NYAP2: variants seen among roughly 807,000 people sequenced by gnomAD.
The protein encoded by NYAP2 is neuronal tyrosine-phosphorylated phosphoinositide-3-kinase adaptor 2, also known as neuronal tyrosine-phosphorylated phosphoinositide-3-kinase adapter 2.
A neutral mutation model predicts 50.4 loss-of-function variants in NYAP2; 23 were observed. That is an observed-to-expected ratio of 0.46 (90% CI 0.33 to 0.65). The LOEUF (loss-of-function observed/expected upper bound fraction) is 0.65. NYAP2 is among the 30% of genes least tolerant of loss of function. NYAP2 has a pLI of 0.02. For missense variants in NYAP2, 885 were observed against 861.0 expected (o/e 1.03, Z -0.35); for synonymous variants, 394 against 365.2 (o/e 1.08, Z -0.90).
exon 3 of NYAP2, chr2:225,408,962 A>G: frequency 6.2e-7 from 1 of 1,611,714 alleles, no homozygotes; most frequent in Non-Finnish European, 8.5e-7. Context: ...GGATATGGGG[A>G]TGAAGGCCTA....
intron 3 of NYAP2, among the ~76,000 whole-genome samples, chr2:225,464,974 C>A (rs1050509026): frequency 6.6e-6 from 1 of 152,182 alleles, no homozygotes; most frequent in African/African-American, 2.4e-5. Flanking sequence ...TAGTTAGAGA[C>A]TTTTATTCAA....
exon 7 of NYAP2, chr2:225,651,494 G>C (rs1489081199): frequency 1.9e-6 from 3 of 1,613,862 alleles, no homozygotes; most frequent in African/African-American, 1.3e-5. Context: ...TCCTCCATCA[G>C]TCACTCCCCT....
intron 3 of NYAP2, among the ~76,000 whole-genome samples, chr2:225,478,047 G>A (rs1690147380): frequency 6.6e-6 from 1 of 152,142 alleles, no homozygotes. Flanking sequence ...AGCCAGGAAC[G>A]GTTGAAATTA....
intron 4 of NYAP2, 32 bp downstream of exon 4, chr2:225,513,704 A>G (rs2106185960): frequency 6.8e-7 from 1 of 1,477,034 alleles, no homozygotes; most frequent in Non-Finnish European, 9.0e-7. Flanking sequence ...TCACCTAGAA[A>G]TCTCTTTCAG....
At chr2:225,550,523 C>T (rs541313651) in intron 4 of NYAP2, among the ~76,000 whole-genome samples, 7 of 152,110 alleles carry the variant, frequency 4.6e-5, no homozygotes, top group Middle Eastern at 6.8e-3. Context: ...GTGAACTGTG[C>T]GGAATTAGAG....
At chr2:225,597,450 C>G (rs1353008010) in intron 5 of NYAP2, among the ~76,000 whole-genome samples, 2 of 135,564 alleles carry the variant, frequency 1.5e-5, no homozygotes, top group Non-Finnish European at 3.1e-5. Context: ...CTGATTCCAT[C>G]TAAGTCACTG....
At chr2:225,491,104 A>G (rs1467513281) in intron 3 of NYAP2, among the ~76,000 whole-genome samples, 1 of 152,222 alleles carries the variant, frequency 6.6e-6, no homozygotes, top group Non-Finnish European at 1.5e-5. Context: ...TGATGCCTGA[A>G]GAGTTCTTGA....
At chr2:225,517,181 A>C (rs1690951055) in intron 4 of NYAP2, among the ~76,000 whole-genome samples, 1 of 152,232 alleles carries the variant, frequency 6.6e-6, no homozygotes, top group South Asian at 2.1e-4. Context: ...CAACAGAAAC[A>C]CCTTTAAAAA....
At chr2:225,413,641 T>C (rs1245610804) in intron 3 of NYAP2, among the ~76,000 whole-genome samples, 1 of 152,210 alleles carries the variant, frequency 6.6e-6, no homozygotes, top group African/African-American at 2.4e-5. Flanking sequence ...CTAGTCACAC[T>C]GGCATTTTGG....
At chr2:225,463,406 C>T (rs1294840456) in intron 3 of NYAP2, among the ~76,000 whole-genome samples, 1 of 152,256 alleles carries the variant, frequency 6.6e-6, no homozygotes, top group African/African-American at 2.4e-5. Flanking sequence ...TTGTAACACT[C>T]ATGTGTCTTT....
intron 5 of NYAP2, among the ~76,000 whole-genome samples, chr2:225,619,298 C>T (rs962961356): frequency 2.6e-5 from 4 of 152,222 alleles, no homozygotes; most frequent in African/African-American, 9.6e-5. Context: ...AAGACCATGA[C>T]TTTTTAGCTA....
At chr2:225,444,846 A>ATACT (rs1239993084) in intron 3 of NYAP2, among the ~76,000 whole-genome samples, 4 of 152,236 alleles carry the variant, frequency 2.6e-5, no homozygotes, top group Non-Finnish European at 5.9e-5. Context: ...AGCATGTTAA[A>ATACT]AGACAATAAC....
intron 4 of NYAP2, among the ~76,000 whole-genome samples, chr2:225,553,833 T>C (rs1691724948): frequency 6.6e-6 from 1 of 152,034 alleles, no homozygotes. Context: ...GGTCAGGAGT[T>C]CGACACCAGC....
intron 5 of NYAP2, among the ~76,000 whole-genome samples, chr2:225,602,316 T>C (rs1574703636): frequency 6.6e-6 from 1 of 152,088 alleles, no homozygotes; most frequent in Non-Finnish European, 1.5e-5. Context: ...ATATGTAAAA[T>C]AGGTGAAAAG....
Position 225,487,560 on chromosome 2 carries a change from G to A in NYAP2, c.222-25811G>A, listed in dbSNP as rs369210428. Reference sequence around the variant, plus strand: ...TTTTTAGTAGAGACAGGGTTTCACCGTGTTGGCCAGGCTGGTCTTGAACTC... The same window carrying A: ...TTTTTAGTAGAGACAGGGTTTCACCATGTTGGCCAGGCTGGTCTTGAACTC... On this transcript the variant is annotated intron_variant, in intron 3 of 6. Coordinates refer to ENST00000636099, the Ensembl canonical transcript of NYAP2. Among the ~76,000 whole-genome samples the A allele has an allele frequency of 1.4e-4, 21 of 151,726 alleles. No individual in the cohort carries two copies. The East Asian group carries it at 3.3e-3, about 24-fold the overall frequency.
chr2:225,564,900 C>T (rs1691936656), intron 4 of NYAP2, among the ~76,000 whole-genome samples: 2 of 152,058 alleles, frequency 1.3e-5, no homozygotes, highest in Admixed American at 6.6e-5. Context: ...GAGACCAAGG[C>T]AGGTGGATCA....
chr2:225,515,470 T>C (rs752086619), intron 4 of NYAP2, among the ~76,000 whole-genome samples: 3 of 128,904 alleles, frequency 2.3e-5, no homozygotes, highest in Non-Finnish European at 4.5e-5. Context: ...TGAACATTCA[T>C]GTGTGTGTGT....
chr2:225,500,256 GTAC>G (rs1011675809), intron 3 of NYAP2, among the ~76,000 whole-genome samples: 1 of 152,188 alleles, frequency 6.6e-6, no homozygotes, highest in Non-Finnish European at 1.5e-5. Context: ...AAAGAGGTGT[GTAC>G]TACGTGTAAC....
chr2:225,681,972 T>A, the NYAP2 span, among the ~76,000 whole-genome samples: 1 of 152,186 alleles, frequency 6.6e-6, no homozygotes, highest in Admixed American at 6.5e-5. Context: ...TCACTATATG[T>A]TAGCCATTGT....
Sources: allele counts gnomAD v4.1 joint callset (sites outside exome capture counted in the v4.1 genomes callset), GRCh38; gene constraint gnomAD v4.1.1; transcripts MANE v1.5; gene names NCBI Gene and HGNC (gene_info 2026-07-23, HGNC 2026-07-21).